The following ZNF106 variants were observed in gnomAD, a reference collection of about 807,000 sequenced individuals.
The protein encoded by ZNF106 is zinc finger protein 106, also known as SH3-domain binding protein 3.
Under a neutral mutation model 195.1 loss-of-function variants are expected in ZNF106, and 67 were observed. The observed-to-expected ratio is 0.34, with a 90% CI of 0.28 to 0.42. The LOEUF (loss-of-function observed/expected upper bound fraction) is 0.42. Ranked by LOEUF, ZNF106 falls within the 10% of genes least tolerant of loss-of-function variation. The probability of loss-of-function intolerance (pLI) is 1.00; values close to 1 mark genes in which losing one functional copy is unlikely to be tolerated. For missense variants in ZNF106, 2,118 were observed against 2,304.5 expected, an observed-to-expected ratio of 0.92 and a Z score of 1.66; for synonymous variants, 784 against 818.6, an observed-to-expected ratio of 0.96 and a Z score of 0.72.
chr15:42,448,381 G>C lies in ZNF106; in HGVS notation c.2826C>G (p.Ala942=), dbSNP rs747655349. The change falls in exon 6 of 22, where the codon GCC becomes GCG. Residue 942 remains alanine, a synonymous_variant. Coordinates refer to ENST00000564754, the MANE Select transcript of ZNF106 (RefSeq NM_001366845.3). ...CAGCCCTTTCACCTGTTCGGAGGGA[G>C]GCAGCCCGAGGTGTCACTTCTTGTT... The part of the protein sequence containing the change: ...HLKQEVTPRA[A]SLRTGERAEN... The C allele has an allele frequency of 1.9e-6, 3 of 1,614,154 alleles. No individual in the cohort carries two copies. In the East Asian group the frequency reaches 6.7e-5, roughly 36 times the overall value.
intron 20 of ZNF106, among the ~76,000 whole-genome samples, chr15:42,420,136 T>A (rs1312883119): frequency 1.3e-5 from 2 of 152,188 alleles, no homozygotes; most frequent in African/African-American, 2.4e-5. Context: ...CTTTCTGAGG[T>A]TTTAGTTACC....
Position 42,450,651 on chromosome 15 carries a change from T to C in ZNF106, c.1621A>G (p.Lys541Glu). 6.2e-7 allele frequency: 1 copy of C among 1,614,240 alleles called. No homozygotes were observed. The highest frequency in any genetic ancestry group is 8.5e-7 in the Non-Finnish European group (1 of 1,180,052). The change falls in exon 5 of 22, where the codon AAA (lysine) becomes GAA (glutamate). Residue 541 changes from lysine (K) to glutamate (E), a missense_variant. Coordinates refer to ENST00000564754, the MANE Select transcript of ZNF106 (RefSeq NM_001366845.3). ...SSCPHVLKGN[K>E]STFGSQKQSG... ...TGCTTTTGAGAGCCAAATGTACTTT[T>C]ATTCCCTTTTAAAACATGAGGACAT...
rs1178314444 is a variant in ZNF106 at position 42,456,939 on chromosome 15, T to TA, written c.317+18dup. On this transcript the variant is annotated intron_variant, in intron 4 of 21. Transcript: ENST00000564754. ...TGTTCTGTTATAGATAGGCTTTTTT[T>TA]AAAAAATCAATTACTTACCGACTTT... The TA allele has an allele frequency of 6.9e-6, 11 of 1,605,422 alleles. No individual in the cohort carries two copies. The highest frequency in any genetic ancestry group is 4.0e-5 in the African/African-American group (3 of 74,486).
At chr15:42,484,777 T>C (rs1271928703) in intron 1 of ZNF106, among the ~76,000 whole-genome samples, 1 of 151,704 alleles carries the variant, frequency 6.6e-6, no homozygotes, top group Non-Finnish European at 1.5e-5. Flanking sequence ...CAATATAATT[T>C]CCCAAAATAG....
chr15:42,417,654 T>C, intron 21 of ZNF106, 151 bp downstream of exon 21: 1 of 961,686 alleles, frequency 1.0e-6, no homozygotes, highest in Non-Finnish European at 1.5e-6. Flanking sequence ...TGCAACTTCA[T>C]TAAGCTACCC....
At chr15:42,433,649 A>G (rs1465929322) in intron 14 of ZNF106, among the ~76,000 whole-genome samples, 1 of 148,220 alleles carries the variant, frequency 6.7e-6, no homozygotes, top group Non-Finnish European at 1.5e-5. Context: ...CACCCGACTA[A>G]TTTTCATATT....
intron 1 of ZNF106, among the ~76,000 whole-genome samples, chr15:42,479,810 C>G (rs1422675315): frequency 1.3e-5 from 2 of 152,094 alleles, no homozygotes; most frequent in Non-Finnish European, 2.9e-5. Context: ...CCACTTCATT[C>G]CAGCCTCAGC....
chr15:42,439,496 C>T lies in ZNF106; in HGVS notation c.4081G>A (p.Glu1361Lys), dbSNP rs1488004748. The T allele has an allele frequency of 6.2e-7, 1 of 1,614,170 alleles. No homozygotes were observed. The highest frequency in any genetic ancestry group is 2.2e-5 in the East Asian group (1 of 44,884). The change falls in exon 11 of 22, where the codon GAA (glutamate) becomes AAA (lysine). Residue 1361 changes from glutamate (E) to lysine (K), a missense_variant. Physicochemically the swap from Glu to Lys is moderately conservative, Grantham distance 56 (BLOSUM62 1). Coordinates refer to ENST00000564754, the MANE Select transcript of ZNF106 (RefSeq NM_001366845.3). ...GTCTCAGCTGATGTCAAAGTGGATT[C>T]TGCCTGTTGTTCAGGCTGGTCAGCT... is the stretch of plus-strand genomic sequence containing the variant. The part of the protein sequence containing the change: ...SPADQPEQQA[E>K]STLTSAETRG...
Position 42,448,679 on chromosome 15 carries a change from A to G in ZNF106, c.2528T>C (p.Val843Ala). ...ATCTAAGGCTTCTTGTTCATTTTGA[A>G]CAAGGGGTACCATTTCTATGCCAAA... ...PRFGIEMVPL[V>A]QNEQEALDLD... Residue 843 changes from valine to alanine, a missense_variant, in exon 6 of 22, where the codon GTT becomes GCT. Transcript: ENST00000564754. 6.2e-7 allele frequency: 1 copy of G among 1,607,518 alleles called. No individual in the cohort carries two copies. The highest frequency in any genetic ancestry group is 8.5e-7 in the Non-Finnish European group (1 of 1,178,990).
In ZNF106 at chr15:42,450,625, T is replaced by C. The variant is rs758333453; in HGVS notation, c.1647A>G (p.Gln549=). Residue 549 remains glutamine (Q), a synonymous_variant, in exon 5 of 22, where the codon CAA becomes CAG. Coordinates refer to ENST00000564754, the MANE Select transcript of ZNF106 (RefSeq NM_001366845.3). ...AAGTATCATTTAAATTATCACCAGA[T>C]TGCTTTTGAGAGCCAAATGTACTTT... ...GNKSTFGSQK[Q]SGDNLNDTLR... 1.9e-6 allele frequency: 3 copies of C among 1,614,182 alleles called. No homozygotes were observed. The highest frequency in any genetic ancestry group is 1.7e-6 in the Non-Finnish European group (2 of 1,180,028).
intron 1 of ZNF106, among the ~76,000 whole-genome samples, chr15:42,480,708 G>A (rs947822923): frequency 1.3e-5 from 2 of 152,108 alleles, no homozygotes; most frequent in African/African-American, 4.8e-5. Context: ...CCACTGGCCG[G>A]GCTTGGTGGC....
At chr15:42,487,054 G>A (rs1294799501) in intron 1 of ZNF106, among the ~76,000 whole-genome samples, 1 of 152,078 alleles carries the variant, frequency 6.6e-6, no homozygotes, top group African/African-American at 2.4e-5. Flanking sequence ...GGAGGCTGAG[G>A]CAGAAGAATC....
chr15:42,435,827 G>A (rs985803604), intron 13 of ZNF106, among the ~76,000 whole-genome samples: 1 of 152,158 alleles, frequency 6.6e-6, no homozygotes, highest in Non-Finnish European at 1.5e-5. Flanking sequence ...TATGGACCAA[G>A]GACCTAGCAA....
intron 14 of ZNF106, among the ~76,000 whole-genome samples, chr15:42,431,225 T>C (rs2055037516): frequency 6.6e-6 from 1 of 152,020 alleles, no homozygotes; most frequent in African/African-American, 2.4e-5. Context: ...CTTTGTATGA[T>C]TTTGGTGCTT....
chr15:42,423,925 G>C, intron 17 of ZNF106, 73 bp downstream of exon 17: 1 of 1,414,142 alleles, frequency 7.1e-7, no homozygotes, highest in Non-Finnish European at 9.7e-7. Flanking sequence ...AATTGCAAGA[G>C]GTTTAAGAAA....
At chr15:42,489,724 C>A (rs2057099885) in intron 1 of ZNF106, among the ~76,000 whole-genome samples, 1 of 152,118 alleles carries the variant, frequency 6.6e-6, no homozygotes, top group Non-Finnish European at 1.5e-5. Flanking sequence ...CAGTACTAAG[C>A]TCTTAATAAG....
intron 10 of ZNF106, among the ~76,000 whole-genome samples, chr15:42,440,718 C>T (rs1363997280): frequency 6.6e-6 from 1 of 151,712 alleles, no homozygotes; most frequent in East Asian, 1.9e-4. Context: ...CAAGGTGGCT[C>T]ATGTCTGTAA....
At position 42,450,160 on chromosome 15, in the gene ZNF106, G is replaced by C; in HGVS notation, c.2112C>G (p.Asp704Glu). The change falls in exon 5 of 22, where the codon GAC becomes GAG. Residue 704 changes from aspartate to glutamate, a missense_variant. Physicochemically the swap from Asp to Glu is conservative, Grantham distance 45. Transcript: ENST00000564754. ...CATAAGATACATGAGATTTAATAGA[G>C]TCATCAACCTGTGCATCTTCTAGAG... ...KTSLEDAQVD[D>E]SIKSHVSYET... 6.2e-7 allele frequency: 1 copy of C among 1,614,168 alleles called. No individual in the cohort carries two copies. The highest frequency in any genetic ancestry group is 8.5e-7 in the Non-Finnish European group (1 of 1,180,030).
At chr15:42,449,360 T>A (rs568140716) in intron 5 of ZNF106, among the ~76,000 whole-genome samples, 110 of 152,324 alleles carry the variant, frequency 7.2e-4, no homozygotes, top group Non-Finnish European at 1.1e-3. Flanking sequence ...ATTCGTAGGT[T>A]CTAAGTAAAA....
Sources: gnomAD v4.1 joint callset for allele counts (sites outside exome capture counted in the v4.1 genomes callset) on GRCh38, gnomAD v4.1.1 for gene constraint, MANE v1.5 for transcripts, NCBI Gene and HGNC (gene_info 2026-07-23, HGNC 2026-07-21) for gene names.